TBCA: variants seen among roughly 807,000 people sequenced by gnomAD.
The protein encoded by TBCA is tubulin-specific chaperone A.
Under a neutral mutation model 15.8 loss-of-function variants are expected in TBCA, and 6 were observed. The observed-to-expected ratio is 0.38, with a 90% CI of 0.21 to 0.75. The LOEUF (loss-of-function observed/expected upper bound fraction) is 0.75. Ranked by LOEUF, TBCA falls within the 30% of genes least tolerant of loss-of-function variation. The pLI, the probability that TBCA is intolerant of heterozygous loss-of-function variation, is 0.46. For synonymous variants in TBCA, 32 were observed against 42.3 expected (o/e 0.76, Z 0.94); for missense variants, 90 against 131.2 (o/e 0.69, Z 1.53).
At chr5:77,714,058 G>A (rs903476745) in intron 1 of TBCA, among the ~76,000 whole-genome samples, 4 of 150,412 alleles carry the variant, frequency 2.7e-5, no homozygotes, top group Admixed American at 2.0e-4. Context: ...GTGGCTCAAC[G>A]CCTGTAATCC....
intron 1 of TBCA, among the ~76,000 whole-genome samples, chr5:77,729,347 A>T (rs1746706461): frequency 6.6e-6 from 1 of 152,080 alleles, no homozygotes; most frequent in African/African-American, 2.4e-5. Flanking sequence ...TAATACCATC[A>T]CTGGAAAAGT....
chr5:77,751,994 G>A lies in TBCA; in HGVS notation c.53+24211C>T, dbSNP rs917647983. Reference sequence around the variant, plus strand: ...ATCTGGGTGGTACCAAGATCATCTGGTCCAATAGGCTGGTTGCAAGAATAA... The same window carrying A: ...ATCTGGGTGGTACCAAGATCATCTGATCCAATAGGCTGGTTGCAAGAATAA... On this transcript the variant is annotated intron_variant, in intron 1 of 3. Transcript: ENST00000380377. Among the ~76,000 whole-genome samples, 5 of 152,118 alleles carry A rather than the reference G, an allele frequency of 3.3e-5. No individual in the cohort carries two copies. The South Asian group carries it at 1.0e-3, about 32-fold the overall frequency.
At chr5:77,718,438 G>T (rs1463236467) in intron 1 of TBCA, among the ~76,000 whole-genome samples, 1 of 152,134 alleles carries the variant, frequency 6.6e-6, no homozygotes, top group Non-Finnish European at 1.5e-5. Context: ...TTGGATGCAG[G>T]AAGAAAAAAG....
intron 1 of TBCA, among the ~76,000 whole-genome samples, chr5:77,714,892 T>A (rs1046049019): frequency 1.3e-5 from 2 of 152,202 alleles, no homozygotes; most frequent in African/African-American, 4.8e-5. Flanking sequence ...AGGGCTACTA[T>A]GTGCCAGGTA....
chr5:77,738,671 C>T (rs1746965701), intron 1 of TBCA, among the ~76,000 whole-genome samples: 1 of 152,222 alleles, frequency 6.6e-6, no homozygotes, highest in South Asian at 2.1e-4. Context: ...CAACCTCCGC[C>T]TCTGGAGTTC....
intron 1 of TBCA, among the ~76,000 whole-genome samples, chr5:77,762,987 T>C (rs1747679079): frequency 6.6e-6 from 1 of 152,190 alleles, no homozygotes; most frequent in South Asian, 2.1e-4. Context: ...CTCACGCCTG[T>C]AATCCCAGCA....
intron 1 of TBCA, among the ~76,000 whole-genome samples, chr5:77,753,474 T>TA (rs1255775496): frequency 6.6e-6 from 1 of 152,162 alleles, no homozygotes; most frequent in Admixed American, 6.5e-5. Context: ...ACCATTAATT[T>TA]AAAAAATGTT....
intron 1 of TBCA, among the ~76,000 whole-genome samples, chr5:77,752,022 T>A (rs1747356812): frequency 6.6e-6 from 1 of 152,190 alleles, no homozygotes; most frequent in Non-Finnish European, 1.5e-5. Context: ...AAGAATAACC[T>A]CCTGTGCATC....
At chr5:77,721,632 T>A (rs763592545) in intron 1 of TBCA, among the ~76,000 whole-genome samples, 15 of 152,104 alleles carry the variant, frequency 9.9e-5, no homozygotes, top group Non-Finnish European at 2.1e-4. Flanking sequence ...ATTTGGAGTT[T>A]AAAAAACTAC....
At chr5:77,740,448 T>C (rs1332057565) in intron 1 of TBCA, among the ~76,000 whole-genome samples, 1 of 152,064 alleles carries the variant, frequency 6.6e-6, no homozygotes, top group African/African-American at 2.4e-5. Flanking sequence ...AATTGAGATG[T>C]AGGTATTTTA....
At chr5:77,741,664 G>A (rs1014297609) in intron 1 of TBCA, among the ~76,000 whole-genome samples, 2 of 152,096 alleles carry the variant, frequency 1.3e-5, no homozygotes, top group Admixed American at 6.5e-5. Context: ...TCTAGTCAGA[G>A]GAAACCGAAT....
At chr5:77,736,034 G>A (rs986028203) in intron 1 of TBCA, among the ~76,000 whole-genome samples, 3 of 152,086 alleles carry the variant, frequency 2.0e-5, no homozygotes, top group Non-Finnish European at 2.9e-5. Flanking sequence ...TTGGTTCTAA[G>A]TTAAAAAATC....
intron 1 of TBCA, among the ~76,000 whole-genome samples, chr5:77,713,425 T>C (rs1746328597): frequency 6.6e-6 from 1 of 152,204 alleles, no homozygotes; most frequent in Non-Finnish European, 1.5e-5. Flanking sequence ...TGACAGCATA[T>C]TGAAGTATTA....
At chr5:77,748,110 T>C (rs1747231234) in intron 1 of TBCA, among the ~76,000 whole-genome samples, 1 of 152,172 alleles carries the variant, frequency 6.6e-6, no homozygotes, top group African/African-American at 2.4e-5. Flanking sequence ...ATTTAAAAAC[T>C]GAAATTCAAA....
At chr5:77,765,584 C>G (rs775328330) in intron 1 of TBCA, among the ~76,000 whole-genome samples, 1 of 152,124 alleles carries the variant, frequency 6.6e-6, no homozygotes, top group Non-Finnish European at 1.5e-5. Flanking sequence ...CCCCCTTTTC[C>G]TCTCTTTCAC....
chr5:77,762,861 CAGA>C lies in TBCA; in HGVS notation c.53+13341_53+13343del, dbSNP rs1039580744. Reference sequence around the variant, plus strand: ...TATATGTACATCATTCTATACAAGGCAGAAGAAGATGATTAAGTGAGTGAGTGT... The same window carrying C: ...TATATGTACATCATTCTATACAAGGCAGAAGATGATTAAGTGAGTGAGTGT... On this transcript the variant is annotated intron_variant, in intron 1 of 3. Coordinates refer to ENST00000380377, the MANE Select transcript of TBCA (RefSeq NM_004607.3). Among the ~76,000 whole-genome samples, 10 of 152,294 alleles carry C rather than the reference CAGA, an allele frequency of 6.6e-5. No individual in the cohort carries two copies. In the South Asian group the frequency reaches 1.7e-3, roughly 25 times the overall value.
intron 3 of TBCA, 166 bp from the exon 4 acceptor site, chr5:77,691,664 GTTCC>G: frequency 7.3e-7 from 1 of 1,360,596 alleles, no homozygotes; most frequent in Non-Finnish European, 9.4e-7. Context: ...CCCACATTCT[GTTCC>G]TTCTTTACAA....
At chr5:77,768,613 CAA>C (rs1481418884) in intron 1 of TBCA, among the ~76,000 whole-genome samples, 1 of 152,046 alleles carries the variant, frequency 6.6e-6, no homozygotes, top group Non-Finnish European at 1.5e-5. Context: ...CTGTGTATTG[CAA>C]AGACTTTTAC....
At chr5:77,752,190 GATACCA>G (rs1747360868) in intron 1 of TBCA, among the ~76,000 whole-genome samples, 1 of 152,166 alleles carries the variant, frequency 6.6e-6, no homozygotes, top group Admixed American at 6.5e-5. Context: ...GGAAGCTGAT[GATACCA>G]GCCTACGAAA....
Sources: allele counts gnomAD v4.1 joint callset (sites outside exome capture counted in the v4.1 genomes callset), GRCh38; gene constraint gnomAD v4.1.1; transcripts MANE v1.5; gene names NCBI Gene and HGNC (gene_info 2026-07-23, HGNC 2026-07-21).